Variants in L3MBTL4 observed in about 807,000 individuals in gnomAD.
The protein encoded by L3MBTL4 is L3MBTL histone methyl-lysine binding protein 4.
A neutral mutation model predicts 84.5 loss-of-function variants in L3MBTL4; 70 were observed. That is an observed-to-expected ratio of 0.83 (90% confidence interval 0.68 to 1.01). The LOEUF (loss-of-function observed/expected upper bound fraction) is 1.01. Ranked by LOEUF, L3MBTL4 falls within the 50% of genes least tolerant of loss-of-function variation. The pLI is 0.00. For missense variants in L3MBTL4, 715 were observed against 754.8 expected (o/e 0.95, Z 0.62); for synonymous variants, 274 against 259.8 (o/e 1.05, Z -0.52).
intron 17 of L3MBTL4, among the ~76,000 whole-genome samples, chr18:5,962,928 T>C (rs886195849): frequency 6.6e-6 from 1 of 152,210 alleles, no homozygotes; most frequent in Admixed American, 6.5e-5. Flanking sequence ...ACTCACTAGG[T>C]GCCAGTAGGA....
At chr18:6,218,904 G>T (rs182343438) in intron 10 of L3MBTL4, among the ~76,000 whole-genome samples, 3 of 152,106 alleles carry the variant, frequency 2.0e-5, no homozygotes, top group Admixed American at 2.0e-4. Context: ...TACCGTGGAA[G>T]AAGCTTTCCA....
At chr18:5,997,603 C>G (rs996861343) in intron 16 of L3MBTL4, among the ~76,000 whole-genome samples, 3 of 152,116 alleles carry the variant, frequency 2.0e-5, no homozygotes, top group African/African-American at 7.2e-5. Flanking sequence ...TAGCTGGAAG[C>G]CCCCTCCCCC....
chr18:6,401,257 G>A (rs2055499024), intron 1 of L3MBTL4, among the ~76,000 whole-genome samples: 1 of 152,106 alleles, frequency 6.6e-6, no homozygotes, highest in Admixed American at 6.5e-5. Context: ...TTTAATAACA[G>A]CACGTGGCAC....
At chr18:6,388,897 T>C (rs1227394739) in intron 1 of L3MBTL4, among the ~76,000 whole-genome samples, 1 of 151,900 alleles carries the variant, frequency 6.6e-6, no homozygotes, top group African/African-American at 2.4e-5. Context: ...GGGAAGGGCA[T>C]GGCAAAAGAG....
At chr18:6,256,902 G>C (rs1024872524) in intron 5 of L3MBTL4, 3 of 152,408 alleles carry the variant, frequency 2.0e-5, no homozygotes, top group Admixed American at 1.3e-4. Context: ...AAGGTCTGCC[G>C]AGGCCAGGCT....
intron 5 of L3MBTL4, among the ~76,000 whole-genome samples, chr18:6,245,041 C>G (rs2047601348): frequency 6.6e-6 from 1 of 152,102 alleles, no homozygotes; most frequent in Non-Finnish European, 1.5e-5. Flanking sequence ...TCCCGAATAG[C>G]TAGGATTACA....
At chr18:6,219,036 T>C (rs2041944986) in intron 10 of L3MBTL4, among the ~76,000 whole-genome samples, 1 of 152,224 alleles carries the variant, frequency 6.6e-6, no homozygotes, top group Admixed American at 6.5e-5. Flanking sequence ...CTTCCATTTA[T>C]AGGTAAGCAC....
chr18:6,153,567 T>G (rs1211664983), intron 13 of L3MBTL4, among the ~76,000 whole-genome samples: 2 of 152,156 alleles, frequency 1.3e-5, no homozygotes, highest in African/African-American at 4.8e-5. Flanking sequence ...TTTACTGAAT[T>G]TATTTATTAA....
intron 14 of L3MBTL4, among the ~76,000 whole-genome samples, chr18:6,117,215 C>T (rs2059387527): frequency 6.6e-6 from 1 of 152,048 alleles, no homozygotes; most frequent in Admixed American, 6.6e-5. Flanking sequence ...AGGTGACTGA[C>T]AAAGGTGGGG....
chr18:5,975,481 G>A (rs960413032), intron 16 of L3MBTL4, among the ~76,000 whole-genome samples: 3 of 152,310 alleles, frequency 2.0e-5, no homozygotes, highest in Non-Finnish European at 2.9e-5. Context: ...CAGGACCTGT[G>A]CTTCCATAGT....
intron 10 of L3MBTL4, among the ~76,000 whole-genome samples, chr18:6,225,829 C>T (rs2046760704): frequency 6.6e-6 from 1 of 151,178 alleles, no homozygotes; most frequent in South Asian, 2.1e-4. Flanking sequence ...GACAGTGACA[C>T]CTTAAAAAAA....
intron 16 of L3MBTL4, chr18:6,031,283 C>G (rs1474733922): frequency 1.0e-6 from 1 of 985,320 alleles, no homozygotes; most frequent in Non-Finnish European, 1.2e-6. Flanking sequence ...GAATGGTGAA[C>G]AGTGTTCTTG....
At chr18:6,396,903 C>G (rs2055295451) in intron 1 of L3MBTL4, 1 of 152,190 alleles carries the variant, frequency 6.6e-6, no homozygotes, top group Non-Finnish European at 1.5e-5. Context: ...ATTCACACAC[C>G]TACAAAAGGC....
intron 16 of L3MBTL4, among the ~76,000 whole-genome samples, chr18:6,054,818 A>G (rs771318832): frequency 4.6e-5 from 7 of 152,224 alleles, no homozygotes; most frequent in African/African-American, 7.2e-5. Flanking sequence ...GACCACAGAC[A>G]TGGTTCTGTG....
intron 4 of L3MBTL4, among the ~76,000 whole-genome samples, chr18:6,268,437 A>G (rs1392824965): frequency 6.6e-6 from 1 of 152,228 alleles, no homozygotes; most frequent in South Asian, 2.1e-4. Context: ...GAATTAAAGG[A>G]AAGGAAGACA....
chr18:6,174,208 T>C (rs996321620), intron 12 of L3MBTL4, among the ~76,000 whole-genome samples: 21 of 151,900 alleles, frequency 1.4e-4, no homozygotes, highest in Admixed American at 5.9e-4. Flanking sequence ...TACAAAAGTT[T>C]ATTAAACATG....
intron 14 of L3MBTL4, among the ~76,000 whole-genome samples, chr18:6,123,374 G>A (rs1278827670): frequency 2.0e-5 from 3 of 152,106 alleles, no homozygotes; most frequent in African/African-American, 7.2e-5. Context: ...CAATCCCCAC[G>A]TATCATGGGA....
intron 18 of L3MBTL4, among the ~76,000 whole-genome samples, chr18:5,958,092 AAG>A (rs2095240250): frequency 1.5e-5 from 1 of 66,090 alleles, no homozygotes; most frequent in Non-Finnish European, 2.4e-5. Flanking sequence ...GAAGAAGAAG[AAG>A]AAGAAGAAGA....
At chr18:6,212,504 GCTCT>G (rs2046152018) in intron 12 of L3MBTL4, among the ~76,000 whole-genome samples, 1 of 152,164 alleles carries the variant, frequency 6.6e-6, no homozygotes, top group African/African-American at 2.4e-5. Context: ...GATGCTTTCA[GCTCT>G]CTGAGAAAAA....
Sources: allele counts gnomAD v4.1 joint callset (sites outside exome capture counted in the v4.1 genomes callset), GRCh38; gene constraint gnomAD v4.1.1; transcripts MANE v1.5; gene names NCBI Gene and HGNC (gene_info 2026-07-23, HGNC 2026-07-21).